The following PTPRN2 variants were observed in gnomAD, a reference collection of about 807,000 sequenced individuals.
PTPRN2 encodes the protein protein tyrosine phosphatase receptor type N2.
A neutral mutation model predicts 118.8 loss-of-function variants in PTPRN2; 74 were observed. The observed-to-expected ratio is 0.62, with a 90% CI of 0.52 to 0.76. The LOEUF (loss-of-function observed/expected upper bound fraction) is 0.76, where lower values mean the gene tolerates loss of function less well. Among genes scored for constraint, PTPRN2 ranks in the 30% least tolerant of loss-of-function variants. The pLI is 0.00. For synonymous variants in PTPRN2, 641 were observed against 608.0 expected, an observed-to-expected ratio of 1.05 and a Z score of -0.80; for missense variants, 1,481 against 1,394.4, an observed-to-expected ratio of 1.06 and a Z score of -0.99.
intron 1 of PTPRN2, among the ~76,000 whole-genome samples, chr7:158,516,661 G>T (rs571548504): frequency 6.6e-6 from 1 of 150,930 alleles, no homozygotes; most frequent in Admixed American, 6.6e-5. Flanking sequence ...TATTGTTCTT[G>T]GTGCTGTTCT....
In PTPRN2 at chr7:157,944,480, A is replaced by G. The variant is rs1800347600; in HGVS notation, c.1724-45743T>C. Reference sequence around the variant, plus strand: ...AGTTTGTGAGAAAAGGATCTATTGGAAAATTCTTCTTTTTAAAAAAGTTTC... The same window carrying G: ...AGTTTGTGAGAAAAGGATCTATTGGGAAATTCTTCTTTTTAAAAAAGTTTC... On this transcript the variant is annotated intron_variant, in intron 11 of 22. Transcript: ENST00000389418. This position sits in a 1 kb window ranked among gnomAD's most constrained non-coding sequence, Gnocchi z 4.3. Among the ~76,000 whole-genome samples the G allele has an allele frequency of 6.6e-6, 1 of 152,246 alleles. No individual in the cohort carries two copies. Among genetic ancestry groups the G allele is most frequent in the Admixed American group, 6.5e-5 (1 of 15,282 alleles).
intron 3 of PTPRN2, among the ~76,000 whole-genome samples, chr7:158,259,231 T>C (rs1797229822): frequency 6.6e-6 from 1 of 152,130 alleles, no homozygotes. Context: ...GGCAGTTTGA[T>C]AACCAACACA....
intron 3 of PTPRN2, among the ~76,000 whole-genome samples, chr7:158,263,733 C>T (rs1276180076): frequency 6.6e-6 from 1 of 152,232 alleles, no homozygotes; most frequent in Admixed American, 6.5e-5. Context: ...GCCCTTTTCC[C>T]ACCAGGGACC....
At chr7:158,450,235 A>G (rs1486444693) in intron 2 of PTPRN2, among the ~76,000 whole-genome samples, 2 of 152,164 alleles carry the variant, frequency 1.3e-5, no homozygotes, top group African/African-American at 4.8e-5. Flanking sequence ...ATCTAACTCA[A>G]TCACGGCCCA....
intron 11 of PTPRN2, among the ~76,000 whole-genome samples, chr7:158,031,747 T>A (rs1029997246): frequency 1.3e-5 from 2 of 152,182 alleles, no homozygotes; most frequent in African/African-American, 4.8e-5. Flanking sequence ...GAAGAAAGGT[T>A]AAGAGCTGGT....
At chr7:157,928,997 G>A (rs1799196033) in intron 11 of PTPRN2, among the ~76,000 whole-genome samples, 1 of 152,130 alleles carries the variant, frequency 6.6e-6, no homozygotes, top group South Asian at 2.1e-4. Context: ...GAACGTCAGG[G>A]CAGGAGGGGA....
intron 2 of PTPRN2, among the ~76,000 whole-genome samples, chr7:158,350,194 G>T (rs1807820134): frequency 6.6e-6 from 1 of 152,208 alleles, no homozygotes; most frequent in South Asian, 2.1e-4. Context: ...GCTCCATTGA[G>T]CATTGACCCT....
At chr7:157,814,533 G>A (rs1329092779) in intron 12 of PTPRN2, among the ~76,000 whole-genome samples, 1 of 144,306 alleles carries the variant, frequency 6.9e-6, no homozygotes, top group African/African-American at 2.6e-5. Flanking sequence ...GACAGGCGGG[G>A]GCAGGACAGA....
chr7:157,543,763 G>A (rs1798124472), intron 22 of PTPRN2, among the ~76,000 whole-genome samples: 1 of 152,202 alleles, frequency 6.6e-6, no homozygotes, highest in Admixed American at 6.5e-5. Context: ...TAACTGCGGG[G>A]CAGCTTCCCC....
At chr7:157,996,236 G>C (rs753577676) in intron 11 of PTPRN2, among the ~76,000 whole-genome samples, 1 of 152,230 alleles carries the variant, frequency 6.6e-6, no homozygotes, top group African/African-American at 2.4e-5. Flanking sequence ...TTACATGCGT[G>C]CATGGATGTA....
rs371386438 is a variant in PTPRN2 at position 157,619,930 on chromosome 7, C to T, written c.2344+1432G>A. On this transcript the variant is annotated intron_variant, in intron 15 of 22. Coordinates refer to ENST00000389418, the MANE Select transcript of PTPRN2 (RefSeq NM_002847.5). The surrounding 1 kb of genome is among the most constrained non-coding windows in gnomAD (Gnocchi z 5.3). ...AGGCAGGGACACAGTGACGGAGAGACGGCCTCGGCCACAGGGGACACTGGT... is the reference window on the plus strand; with the variant it reads ...AGGCAGGGACACAGTGACGGAGAGATGGCCTCGGCCACAGGGGACACTGGT... Among the ~76,000 whole-genome samples, 5 of 152,176 alleles carry T rather than the reference C, an allele frequency of 3.3e-5. No individual in the cohort carries two copies. The highest frequency in any genetic ancestry group is 4.8e-5 in the African/African-American group (2 of 41,446).
At chr7:158,212,284 C>T (rs562869435) in intron 3 of PTPRN2, among the ~76,000 whole-genome samples, 2 of 152,240 alleles carry the variant, frequency 1.3e-5, no homozygotes, top group African/African-American at 2.4e-5. Context: ...TACAAAAATA[C>T]AGTTAAGTAG....
intron 2 of PTPRN2, among the ~76,000 whole-genome samples, chr7:158,326,241 G>A (rs1417564370): frequency 6.6e-6 from 1 of 152,202 alleles, no homozygotes; most frequent in Non-Finnish European, 1.5e-5. Flanking sequence ...AGAGGCTGCG[G>A]TCACCCAGGT....
At chr7:157,966,861 T>A (rs1269181371) in intron 11 of PTPRN2, among the ~76,000 whole-genome samples, 1 of 152,188 alleles carries the variant, frequency 6.6e-6, no homozygotes, top group East Asian at 1.9e-4. Context: ...GTCACTATCA[T>A]CAGCACCATC....
chr7:158,071,748 A>AGGTGCTTGTGGTGGAGATGCTCCTGG (rs1563393267), intron 11 of PTPRN2, among the ~76,000 whole-genome samples: 1 of 27,158 alleles, frequency 3.7e-5, no homozygotes, highest in African/African-American at 1.6e-4. Context: ...GGAGGTGCTC[A>AGGTGCTTGTGGTGGAGATGCTCCTGG]TGGTGGAGGT....
intron 2 of PTPRN2, among the ~76,000 whole-genome samples, chr7:158,450,587 C>T (rs2444296): frequency 0.67 from 102,112 of 152,204 alleles, 34,788 homozygotes; most frequent in Admixed American, 0.77. Context: ...GCTGTGCTCA[C>T]GGCCGCGCCT....
intron 11 of PTPRN2, among the ~76,000 whole-genome samples, chr7:157,947,831 T>A (rs549300456): frequency 6.6e-6 from 1 of 152,324 alleles, no homozygotes; most frequent in East Asian, 1.9e-4. Context: ...ATCTTGTACT[T>A]GAGATCGTCA....
At chr7:158,475,417 A>G (rs1045300774) in intron 2 of PTPRN2, among the ~76,000 whole-genome samples, 2 of 152,140 alleles carry the variant, frequency 1.3e-5, no homozygotes, top group African/African-American at 4.8e-5. Flanking sequence ...CAGCGAGACC[A>G]TGAAGATGAG....
intron 2 of PTPRN2, among the ~76,000 whole-genome samples, chr7:158,330,125 GACACCCGCAGACGTCAC>G: frequency 8.2e-6 from 1 of 121,276 alleles, no homozygotes. Flanking sequence ...CATAAGAGCT[GACACCCGCAGACGTCAC>G]TCACACCCAC....
Sources: gnomAD v4.1 joint callset for allele counts (sites outside exome capture counted in the v4.1 genomes callset) on GRCh38, gnomAD v4.1.1 for gene constraint, Gnocchi (gnomAD v3.1) non-coding constraint, MANE v1.5 for transcripts, NCBI Gene and HGNC (gene_info 2026-07-23, HGNC 2026-07-21) for gene names.